TSHZ3: variants seen among roughly 807,000 people sequenced by gnomAD.
TSHZ3 encodes teashirt homolog 3.
A neutral mutation model predicts 64.5 loss-of-function variants in TSHZ3; 10 were observed. The observed-to-expected ratio is 0.16, with a 90% confidence interval of 0.10 to 0.26. The LOEUF (loss-of-function observed/expected upper bound fraction) is 0.26. Among genes scored for constraint, TSHZ3 ranks in the 10% least tolerant of loss-of-function variants. The probability of loss-of-function intolerance (pLI) is 1.00; values close to 1 mark genes in which losing one functional copy is unlikely to be tolerated. For synonymous variants in TSHZ3, 608 were observed against 593.1 expected (o/e 1.03, Z -0.36); for missense variants, 1,242 against 1,421.7 (o/e 0.87, Z 2.03).
intron 5 of TSHZ3, among the ~76,000 whole-genome samples, chr19:31,184,235 GCT>G (rs998579687): frequency 6.6e-6 from 1 of 152,122 alleles, no homozygotes; most frequent in Non-Finnish European, 1.5e-5. Flanking sequence ...GTAGGAAAAA[GCT>G]CTCTTTCTTG....
chr19:31,193,751 G>T (rs946700041), intron 5 of TSHZ3, among the ~76,000 whole-genome samples: 2 of 152,076 alleles, frequency 1.3e-5, no homozygotes, highest in Non-Finnish European at 2.9e-5. Flanking sequence ...CTGGAGAAAT[G>T]CATTATTTTC....
chr19:31,341,061 T>C (rs772845401), intron 1 of TSHZ3, among the ~76,000 whole-genome samples: 8 of 152,246 alleles, frequency 5.3e-5, no homozygotes, highest in Non-Finnish European at 1.2e-4. Context: ...ACAATATAGA[T>C]GGGGGAAGGC....
At chr19:31,330,563 C>A (rs1045458950) in intron 1 of TSHZ3, among the ~76,000 whole-genome samples, 1 of 152,160 alleles carries the variant, frequency 6.6e-6, no homozygotes, top group Middle Eastern at 3.2e-3. Context: ...TTTTCTCCTC[C>A]CTACCCACTC....
chr19:31,251,890 G>A (rs775558313), intron 1 of TSHZ3, among the ~76,000 whole-genome samples: 26 of 152,154 alleles, frequency 1.7e-4, no homozygotes, highest in African/African-American at 5.6e-4. Flanking sequence ...GGAGCAAACC[G>A]CCTCTGCTCA....
exon 7 of TSHZ3, among the ~76,000 whole-genome samples, chr19:31,151,281 G>A (rs886109171): frequency 1.3e-5 from 2 of 152,064 alleles, no homozygotes; most frequent in African/African-American, 2.4e-5. Context: ...CCACTGATTG[G>A]CCTTATTTCA....
chr19:31,282,440 G>A (rs1257725196), intron 1 of TSHZ3, among the ~76,000 whole-genome samples: 1 of 152,152 alleles, frequency 6.6e-6, no homozygotes, highest in Non-Finnish European at 1.5e-5. Context: ...AGCCAATAGT[G>A]GACATGAAAG....
At chr19:31,326,418 T>G (rs1916931891) in intron 1 of TSHZ3, among the ~76,000 whole-genome samples, 1 of 152,272 alleles carries the variant, frequency 6.6e-6, no homozygotes, top group South Asian at 2.1e-4. Context: ...AGAAAGCTAC[T>G]GTCAAATCTT....
At chr19:31,349,826 A>AGCG (rs1319402957), upstream of TSHZ3, among the ~76,000 whole-genome samples, 3 of 145,914 alleles carry the variant, frequency 2.1e-5, no homozygotes, top group Non-Finnish European at 3.0e-5. Context: ...GCGCGGCTGG[A>AGCG]GCGGCGGCGT....
intron 1 of TSHZ3, among the ~76,000 whole-genome samples, chr19:31,313,022 A>G (rs962780425): frequency 2.3e-5 from 3 of 133,148 alleles, no homozygotes; most frequent in Non-Finnish European, 5.0e-5. Context: ...TTTGAGTTAA[A>G]ACGTGTGTAA....
chr19:31,166,083 T>A (rs951191013), intron 5 of TSHZ3, among the ~76,000 whole-genome samples: 1 of 152,204 alleles, frequency 6.6e-6, no homozygotes, highest in Admixed American at 6.5e-5. Context: ...AGCAGCTTTT[T>A]TCTAATTCAG....
At chr19:31,199,309 C>G (rs1975037589) in intron 5 of TSHZ3, among the ~76,000 whole-genome samples, 1 of 148,944 alleles carries the variant, frequency 6.7e-6, no homozygotes, top group African/African-American at 2.5e-5. Context: ...GAGGCTGACG[C>G]AGGAGAATCG....
intron 1 of TSHZ3, among the ~76,000 whole-genome samples, chr19:31,333,788 G>A (rs898450864): frequency 1.3e-5 from 2 of 152,024 alleles, no homozygotes; most frequent in African/African-American, 2.4e-5. Flanking sequence ...GCGCGTTCCC[G>A]TTAAAAATGG....
intron 5 of TSHZ3, among the ~76,000 whole-genome samples, chr19:31,158,350 A>G (rs575094238): frequency 6.6e-6 from 1 of 152,316 alleles, no homozygotes; most frequent in South Asian, 2.1e-4. Flanking sequence ...ATACCAGTGG[A>G]TTAGTCTACT....
intron 1 of TSHZ3, among the ~76,000 whole-genome samples, chr19:31,258,304 A>T (rs1427008142): frequency 6.6e-6 from 1 of 152,156 alleles, no homozygotes; most frequent in Non-Finnish European, 1.5e-5. Context: ...TCTCAGACAC[A>T]GGAACGCAGA....
chr19:31,264,202 T>C (rs193031850), intron 1 of TSHZ3, among the ~76,000 whole-genome samples: 125 of 152,250 alleles, frequency 8.2e-4, no homozygotes, highest in African/African-American at 2.7e-3. Context: ...TGGGGACATA[T>C]TCCACCTGTG....
At chr19:31,226,083 G>A (rs912373148) in intron 4 of TSHZ3, among the ~76,000 whole-genome samples, 1 of 151,138 alleles carries the variant, frequency 6.6e-6, no homozygotes, top group Non-Finnish European at 1.5e-5. Context: ...CCAACCTCAT[G>A]CCACTGCACT....
chr19:31,321,947 A>G (rs1199361503), intron 1 of TSHZ3, among the ~76,000 whole-genome samples: 5 of 152,080 alleles, frequency 3.3e-5, no homozygotes, highest in African/African-American at 1.2e-4. Flanking sequence ...CATCACCTAC[A>G]TTAGGTATTG....
chr19:31,228,632 T>G (rs1019445376), intron 3 of TSHZ3, among the ~76,000 whole-genome samples: 1 of 152,146 alleles, frequency 6.6e-6, no homozygotes, highest in African/African-American at 2.4e-5. Context: ...ATCAGAAGCT[T>G]AGGGTCAAAC....
intron 4 of TSHZ3, among the ~76,000 whole-genome samples, chr19:31,221,377 G>A (rs540497320): frequency 1.3e-5 from 2 of 152,156 alleles, no homozygotes; most frequent in Admixed American, 6.5e-5. Context: ...TAGGTGGTGG[G>A]GTGTCTTCAA....
Sources: allele counts gnomAD v4.1 joint callset (sites outside exome capture counted in the v4.1 genomes callset), GRCh38; gene constraint gnomAD v4.1.1; transcripts MANE v1.5; gene names NCBI Gene and HGNC (gene_info 2026-07-23, HGNC 2026-07-21).